The following CACNA2D1 variants were observed in gnomAD, a reference collection of about 807,000 sequenced individuals.
CACNA2D1 encodes the protein voltage-dependent calcium channel subunit alpha-2/delta-1.
A neutral mutation model predicts 171.5 loss-of-function variants in CACNA2D1; 53 were observed. The ratio of observed to expected loss-of-function variants is 0.31; its 90% confidence interval spans 0.25 to 0.39. The LOEUF is 0.39. Ranked by LOEUF, CACNA2D1 falls within the 10% of genes least tolerant of loss-of-function variation. CACNA2D1 has a pLI of 1.00. For missense variants in CACNA2D1, 903 were observed against 1,299.8 expected (o/e 0.69, Z 4.69); for synonymous variants, 442 against 443.1 (o/e 1.00, Z 0.03).
intron 27 of CACNA2D1, 26 bp from the exon 28 acceptor site, chr7:81,970,010 G>A (rs775033773): frequency 7.5e-7 from 1 of 1,328,602 alleles, no homozygotes; most frequent in East Asian, 2.3e-5. Context: ...CTCATCATTT[G>A]TATTCTTTAA....
At chr7:81,980,172 C>CAAAAAAAAAAAAAAAAAAAAA (rs35616922) in intron 24 of CACNA2D1, among the ~76,000 whole-genome samples, 2 of 25,252 alleles carry the variant, frequency 7.9e-5, no homozygotes, top group African/African-American at 1.5e-4. Context: ...TAAAACCAAG[C>CAAAAAAAAAAAAAAAAAAAAA]AAAAAAAAAA....
At chr7:81,968,295 T>G (rs1029474364) in intron 29 of CACNA2D1, among the ~76,000 whole-genome samples, 1 of 151,420 alleles carries the variant, frequency 6.6e-6, no homozygotes, top group Non-Finnish European at 1.5e-5. Flanking sequence ...TTTTACTTTA[T>G]TGTATTCACT....
chr7:82,081,717 AC>A (rs1355629257), intron 7 of CACNA2D1, among the ~76,000 whole-genome samples: 1 of 152,138 alleles, frequency 6.6e-6, no homozygotes, highest in Non-Finnish European at 1.5e-5. Flanking sequence ...GGCCAGTGAC[AC>A]CCCTGCCCAG....
chr7:81,952,213 A>C (rs527763853), intron 38 of CACNA2D1, among the ~76,000 whole-genome samples: 2 of 151,418 alleles, frequency 1.3e-5, no homozygotes, highest in Admixed American at 1.3e-4. Flanking sequence ...TCTTTAAAGA[A>C]TCTGCTAATC....
intron 3 of CACNA2D1, among the ~76,000 whole-genome samples, chr7:82,299,408 C>T (rs995028573): frequency 2.6e-5 from 4 of 152,016 alleles, no homozygotes; most frequent in African/African-American, 9.7e-5. Flanking sequence ...CGTCTGTAAT[C>T]CCAGCACTTT....
intron 4 of CACNA2D1, among the ~76,000 whole-genome samples, chr7:82,140,611 T>C (rs989392770): frequency 1.3e-5 from 2 of 152,094 alleles, no homozygotes; most frequent in African/African-American, 4.8e-5. Context: ...TTAATTTATA[T>C]CACCACATCA....
intron 3 of CACNA2D1, among the ~76,000 whole-genome samples, chr7:82,252,317 G>A (rs1413922150): frequency 2.0e-5 from 3 of 152,176 alleles, no homozygotes; most frequent in African/African-American, 7.2e-5. Flanking sequence ...CCAAAGTAAA[G>A]AGAGGTGAAG....
intron 3 of CACNA2D1, among the ~76,000 whole-genome samples, chr7:82,286,452 T>C (rs2129386463): frequency 6.6e-6 from 1 of 152,276 alleles, no homozygotes; most frequent in Non-Finnish European, 1.5e-5. Context: ...ATTTTAAAAC[T>C]CATTGAAATG....
rs145503989 is a variant in CACNA2D1 at position 82,428,699 on chromosome 7, GC to G, written c.95+14665del. ...AAGTACTTGATGGCCTCTCATTTAA[GC>G]CTTACCATTTCCCCTAAAAGGTCCG... is the stretch of plus-strand genomic sequence containing the variant. On this transcript the variant is annotated intron_variant, in intron 1 of 38. Transcript: ENST00000356860. Among the ~76,000 whole-genome samples the G allele has an allele frequency of 2.8e-3, 430 of 152,222 alleles. 1 individual carries two copies. Among genetic ancestry groups the G allele is most frequent in the Middle Eastern group, 0.01 (3 of 294 alleles).
At chr7:82,116,193 G>A (rs1584803132) in intron 6 of CACNA2D1, among the ~76,000 whole-genome samples, 1 of 152,258 alleles carries the variant, frequency 6.6e-6, no homozygotes, top group East Asian at 1.9e-4. Flanking sequence ...GGGGTGGAGG[G>A]ATGGGTTAAA....
chr7:82,429,099 C>A (rs1304253856), intron 1 of CACNA2D1, among the ~76,000 whole-genome samples: 1 of 152,176 alleles, frequency 6.6e-6, no homozygotes. Flanking sequence ...AATAAATTTA[C>A]AATCTTTTCC....
chr7:82,082,856 A>G (rs1318498790), intron 7 of CACNA2D1, among the ~76,000 whole-genome samples: 1 of 152,022 alleles, frequency 6.6e-6, no homozygotes, highest in Admixed American at 6.5e-5. Context: ...TAAAGCCATC[A>G]TCCCTCAATT....
chr7:82,237,168 C>G (rs1431808734), intron 3 of CACNA2D1, among the ~76,000 whole-genome samples: 1 of 151,522 alleles, frequency 6.6e-6, no homozygotes, highest in African/African-American at 2.4e-5. Context: ...AAGTAAAGAC[C>G]AGAAAAAAAT....
intron 31 of CACNA2D1, among the ~76,000 whole-genome samples, chr7:81,966,876 T>C (rs1445570674): frequency 1.3e-5 from 2 of 151,412 alleles, no homozygotes; most frequent in Non-Finnish European, 3.0e-5. Context: ...GAAATAGAGC[T>C]AAAGATAAAT....
At position 82,113,731 on chromosome 7, in the gene CACNA2D1, T is replaced by C. The variant is rs1324915545; in HGVS notation, c.526+3313A>G. Among the ~76,000 whole-genome samples, 3 of 152,336 alleles carry C rather than the reference T, an allele frequency of 2.0e-5. No individual in the cohort carries two copies. The East Asian group carries it at 5.8e-4, about 29-fold the overall frequency. On this transcript the variant is annotated intron_variant, in intron 6 of 38. Coordinates refer to ENST00000356860, the MANE Select transcript of CACNA2D1 (RefSeq NM_000722.4). ...CGAGAACAATCCTCTAAATCGGATA[T>C]GTTCCCACACACCACATGAAGAATA...
At position 81,994,917 on chromosome 7, in the gene CACNA2D1, C is replaced by G. The variant is rs371500586; in HGVS notation, c.1685G>C (p.Gly562Ala). 7.1e-6 allele frequency: 11 copies of G among 1,547,132 alleles called. No homozygotes were observed. In the African/African-American group the frequency reaches 1.5e-4, roughly 21 times the overall value. ...KVEIRNKMID[G>A]ESGEKTFRTL... ...TCTGAATGTTTTTTCTCCACTTTCC[C>G]CATCAATCATCTTATTTCGAATCTA... The change falls in exon 20 of 39, where the codon GGG becomes GCG. Residue 562 changes from glycine (G) to alanine (A), a missense_variant. Physicochemically the swap from Gly to Ala is moderately conservative, Grantham distance 60. Transcript: ENST00000356860.
At chr7:82,323,571 T>C (rs1816269019) in intron 3 of CACNA2D1, among the ~76,000 whole-genome samples, 1 of 152,226 alleles carries the variant, frequency 6.6e-6, no homozygotes, top group Admixed American at 6.5e-5. Context: ...TTTGGTTTCA[T>C]TCTCTGATGC....
chr7:82,443,678 G>T lies in CACNA2D1; in HGVS notation c.-219C>A. 8.0e-7 allele frequency: 1 copy of T among 1,246,532 alleles called. No homozygotes were observed. The highest frequency in any genetic ancestry group is 1.6e-5 in the African/African-American group (1 of 64,362). 77.2% of individuals were successfully genotyped at this position (1,246,532 alleles called of 1,614,324 possible). ...GTGGCGGGCGGACCCACTAGCGTGC[G>T]TCGGCTGCTCCGCGCCGCGGCCGCC... On this transcript the variant is annotated 5_prime_UTR_variant, in exon 1 of 39. Coordinates refer to ENST00000356860, the MANE Select transcript of CACNA2D1 (RefSeq NM_000722.4).
intron 31 of CACNA2D1, among the ~76,000 whole-genome samples, chr7:81,966,583 ATTAT>A (rs1172737702): frequency 1.3e-5 from 2 of 151,264 alleles, no homozygotes; most frequent in African/African-American, 2.4e-5. Context: ...AATTTTTAGA[ATTAT>A]TTATCTAGTA....
Sources: allele counts gnomAD v4.1 joint callset (sites outside exome capture counted in the v4.1 genomes callset), GRCh38; gene constraint gnomAD v4.1.1; transcripts MANE v1.5; gene names NCBI Gene and HGNC (gene_info 2026-07-23, HGNC 2026-07-21).